The following ACSM1 variants were observed in gnomAD, a reference collection of about 807,000 sequenced individuals.
ACSM1 encodes acyl-CoA synthetase medium chain family member 1.
Under a neutral mutation model 75.8 loss-of-function variants are expected in ACSM1, and 79 were observed. The observed-to-expected ratio is 1.04, with a 90% CI of 0.87 to 1.26. The LOEUF (loss-of-function observed/expected upper bound fraction) is 1.26. Ranked by LOEUF, ACSM1 falls within the 50% of genes most tolerant of loss-of-function variation. The pLI is 0.00. For missense variants in ACSM1, 676 were observed against 720.1 expected (o/e 0.94, Z 0.70); for synonymous variants, 279 against 265.8 (o/e 1.05, Z -0.48).
intron 1 of ACSM1, 108 bp from the exon 2 acceptor site, chr16:20,691,347 C>G (rs2079650061): frequency 1.7e-6 from 1 of 578,090 alleles, no homozygotes; most frequent in Non-Finnish European, 2.9e-6. Context: ...TTCAGGTCAC[C>G]AGAATTTGGA....
intron 10 of ACSM1, among the ~76,000 whole-genome samples, chr16:20,628,294 A>G (rs1329718888): frequency 6.6e-6 from 1 of 151,928 alleles, no homozygotes; most frequent in Non-Finnish European, 1.5e-5. Flanking sequence ...CAGATGTCCC[A>G]TTTCACTTGT....
At position 20,625,177 on chromosome 16, in the gene ACSM1, C is replaced by T. The variant is rs544886493; in HGVS notation, c.1527+246G>A. ...CTCATCTATAAAAAGCATAAGTGTT[C>T]TTAGATTACTACATTGTGTGAGAGT... On this transcript the variant is annotated intron_variant, in intron 12 of 13. Coordinates refer to ENST00000520010, the MANE Select transcript of ACSM1 (RefSeq NM_001318890.3). Among the ~76,000 whole-genome samples the T allele has an allele frequency of 3.3e-5, 5 of 152,274 alleles. No individual in the cohort carries two copies. In the East Asian group the frequency reaches 9.7e-4, roughly 29 times the overall value.
chr16:20,644,168 T>C (rs1042133342), intron 7 of ACSM1, among the ~76,000 whole-genome samples: 2 of 152,236 alleles, frequency 1.3e-5, no homozygotes, highest in Non-Finnish European at 2.9e-5. Flanking sequence ...GCAGCCTTTC[T>C]ATCAAAAATC....
intron 10 of ACSM1, among the ~76,000 whole-genome samples, chr16:20,632,039 T>G (rs2017376805): frequency 6.6e-6 from 1 of 152,168 alleles, no homozygotes; most frequent in South Asian, 2.1e-4. Context: ...GAGGACCCCA[T>G]GCTCACGATA....
At chr16:20,691,325 T>C in intron 1 of ACSM1, 86 bp from the exon 2 acceptor site, 1 of 676,984 alleles carries the variant, frequency 1.5e-6, no homozygotes, top group South Asian at 2.5e-5. Flanking sequence ...ATTGCTACAG[T>C]TATAGCTTTG....
Position 20,651,679 on chromosome 16 carries a change from T to TA in ACSM1, c.992+10114dup, listed in dbSNP as rs2018655246. Among the ~76,000 whole-genome samples, 4 of 151,896 alleles carry TA rather than the reference T, an allele frequency of 2.6e-5. No individual in the cohort carries two copies. The South Asian group carries it at 8.3e-4, about 32-fold the overall frequency. ...CTATATATATACACACAAACACACA[T>TA]ATGAAGAGCTCTAATTAATTGGCTT... On this transcript the variant is annotated intron_variant, in intron 7 of 13. Coordinates refer to ENST00000520010, the MANE Select transcript of ACSM1 (RefSeq NM_001318890.3).
intron 5 of ACSM1, among the ~76,000 whole-genome samples, chr16:20,670,664 C>T (rs1266618726): frequency 6.6e-6 from 1 of 152,206 alleles, no homozygotes; most frequent in African/African-American, 2.4e-5. Context: ...TGGTCCTTCA[C>T]CCTACACCCT....
At chr16:20,683,822 C>T (rs1045278679) in intron 3 of ACSM1, among the ~76,000 whole-genome samples, 3 of 151,956 alleles carry the variant, frequency 2.0e-5, no homozygotes, top group African/African-American at 7.3e-5. Flanking sequence ...CCCACCTCAG[C>T]CTCCCAAAGT....
At chr16:20,640,764 C>A (rs1267853148) in intron 7 of ACSM1, among the ~76,000 whole-genome samples, 180 bp from the exon 8 acceptor site, 1 of 152,200 alleles carries the variant, frequency 6.6e-6, no homozygotes, top group African/African-American at 2.4e-5. Flanking sequence ...CCAGTCCCTG[C>A]GAACTATTCT....
chr16:20,624,039 C>G, intron 13 of ACSM1, 57 bp downstream of exon 13: 1 of 1,596,960 alleles, frequency 6.3e-7, no homozygotes, highest in Non-Finnish European at 8.6e-7. Context: ...ATACCTAGCC[C>G]GTCCTAGCAG....
At chr16:20,629,322 G>GT (rs924230295) in intron 10 of ACSM1, among the ~76,000 whole-genome samples, 15 of 151,484 alleles carry the variant, frequency 9.9e-5, no homozygotes, top group South Asian at 2.1e-4. Context: ...CAGGAGTACA[G>GT]TTTTTTTTTA....
intron 6 of ACSM1, among the ~76,000 whole-genome samples, chr16:20,669,468 A>T (rs2019763663): frequency 6.6e-6 from 1 of 151,430 alleles, no homozygotes; most frequent in Admixed American, 6.6e-5. Context: ...ACACACACAC[A>T]CACACACACA....
intron 4 of ACSM1, among the ~76,000 whole-genome samples, chr16:20,674,313 T>C (rs1177785474): frequency 6.6e-6 from 1 of 152,208 alleles, no homozygotes; most frequent in Non-Finnish European, 1.5e-5. Context: ...GCAAGGTCAC[T>C]AGACAGATAA....
chr16:20,629,878 G>A (rs956758155), intron 10 of ACSM1, among the ~76,000 whole-genome samples: 5 of 151,482 alleles, frequency 3.3e-5, no homozygotes, highest in African/African-American at 1.2e-4. Context: ...TGTAATCCCA[G>A]CTACTGGGGA....
chr16:20,671,168 CTG>C (rs899572303), intron 5 of ACSM1, among the ~76,000 whole-genome samples: 4 of 152,112 alleles, frequency 2.6e-5, no homozygotes, highest in Non-Finnish European at 4.4e-5. Context: ...CTAGAATATT[CTG>C]TCTTTCCCTA....
chr16:20,655,647 G>A (rs2018919316), intron 7 of ACSM1, among the ~76,000 whole-genome samples: 2 of 151,934 alleles, frequency 1.3e-5, no homozygotes, highest in African/African-American at 4.8e-5. Flanking sequence ...TACAAATATT[G>A]TCTTATTATT....
At chr16:20,634,777 G>A (rs1402765776) in intron 10 of ACSM1, among the ~76,000 whole-genome samples, 2 of 152,092 alleles carry the variant, frequency 1.3e-5, no homozygotes, top group African/African-American at 4.8e-5. Flanking sequence ...CGTGATGGCT[G>A]TACAACATTG....
chr16:20,686,462 C>A (rs2079555789), intron 2 of ACSM1, among the ~76,000 whole-genome samples: 1 of 152,028 alleles, frequency 6.6e-6, no homozygotes, highest in African/African-American at 2.4e-5. Context: ...CACACTGGGG[C>A]CAGTCTGACG....
chr16:20,624,469 T>C (rs1019222496), intron 12 of ACSM1, among the ~76,000 whole-genome samples: 3 of 152,212 alleles, frequency 2.0e-5, no homozygotes, highest in Admixed American at 6.5e-5. Context: ...TCATTTGGTT[T>C]CTTTAAAGCT....
Sources: allele counts gnomAD v4.1 joint callset (sites outside exome capture counted in the v4.1 genomes callset), GRCh38; gene constraint gnomAD v4.1.1; transcripts MANE v1.5; gene names NCBI Gene and HGNC (gene_info 2026-07-23, HGNC 2026-07-21).